Variants in WDPCP observed in about 807,000 individuals in gnomAD.
WDPCP encodes the protein WD repeat-containing and planar cell polarity effector protein fritz homolog.
In WDPCP, 71 loss-of-function variants were observed where a neutral mutation model predicts 93.1. That is an observed-to-expected ratio of 0.76 (90% CI 0.63 to 0.93). The LOEUF (loss-of-function observed/expected upper bound fraction) is 0.93, where lower values mean the gene tolerates loss of function less well. Ranked by LOEUF, WDPCP falls within the 40% of genes least tolerant of loss-of-function variation. WDPCP has a pLI of 0.00. For missense variants in WDPCP, 844 were observed against 887.4 expected, an observed-to-expected ratio of 0.95 and a Z score of 0.62; for synonymous variants, 315 against 315.0, an observed-to-expected ratio of 1.00 and a Z score of 0.00.
chr2:63,321,386 CTG>C (rs59970085), intron 12 of WDPCP, among the ~76,000 whole-genome samples: 240 of 148,576 alleles, frequency 1.6e-3, no homozygotes, highest in Non-Finnish European at 2.4e-3. Flanking sequence ...TATATACACT[CTG>C]TGTGTGTGTG....
chr2:63,588,645 C>A, upstream of WDPCP: 1 of 487,340 alleles, frequency 2.1e-6, no homozygotes, highest in Non-Finnish European at 3.8e-6. Flanking sequence ...GTGATTCTCC[C>A]CTCCCTAGAG....
intron 1 of WDPCP, among the ~76,000 whole-genome samples, chr2:63,824,538 A>C (rs1249080537): frequency 6.6e-4 from 3 of 4,548 alleles, no homozygotes; most frequent in Non-Finnish European, 5.2e-4. Context: ...ACCATGTTTC[A>C]AAAAAAAAAA....
chr2:63,304,126 C>G (rs1462872891), intron 13 of WDPCP, among the ~76,000 whole-genome samples: 1 of 152,022 alleles, frequency 6.6e-6, no homozygotes, highest in Non-Finnish European at 1.5e-5. Context: ...CCCAGCAATC[C>G]CACAACTGGG....
intron 1 of WDPCP, among the ~76,000 whole-genome samples, chr2:63,503,934 A>C (rs1274794848): frequency 6.6e-6 from 1 of 151,342 alleles, no homozygotes; most frequent in Non-Finnish European, 1.5e-5. Context: ...GAAATCCTTT[A>C]TCTACAAATA....
intron 12 of WDPCP, among the ~76,000 whole-genome samples, chr2:63,360,736 TC>T (rs1444243843): frequency 1.4e-4 from 22 of 152,230 alleles, no homozygotes; most frequent in African/African-American, 2.2e-4. Context: ...GTTTCACACT[TC>T]TTTTGCTCAA....
chr2:63,643,947 C>A, intron 3 of WDPCP: 1 of 494,200 alleles, frequency 2.0e-6, no homozygotes, highest in South Asian at 1.5e-5. Context: ...TTGTGGGAAC[C>A]AGTGGATGGA....
At chr2:63,639,749 T>G (rs1277399697) in intron 3 of WDPCP, among the ~76,000 whole-genome samples, 2 of 152,154 alleles carry the variant, frequency 1.3e-5, no homozygotes, top group East Asian at 1.9e-4. Flanking sequence ...AAAACCATGA[T>G]GAGTTATTAC....
chr2:63,284,928 C>CA, intron 13 of WDPCP, among the ~76,000 whole-genome samples: 1 of 151,442 alleles, frequency 6.6e-6, no homozygotes, highest in African/African-American at 2.4e-5. Context: ...CATAGACACA[C>CA]AAAAAAATTT....
At chr2:63,485,163 T>C (rs1700495069) in intron 4 of WDPCP, among the ~76,000 whole-genome samples, 176 bp from the exon 5 acceptor site, 1 of 151,892 alleles carries the variant, frequency 6.6e-6, no homozygotes, top group Non-Finnish European at 1.5e-5. Context: ...GAACAGGATT[T>C]TTACCACAAA....
Position 63,655,511 on chromosome 2 carries a change from A to C in WDPCP, n.309-4673T>G, listed in dbSNP as rs559425808. Among the ~76,000 whole-genome samples the C allele has an allele frequency of 5.9e-5, 9 of 152,118 alleles. No individual in the cohort carries two copies. In the East Asian group the frequency reaches 1.7e-3, roughly 29 times the overall value. On this transcript the variant is annotated intron_variant and non_coding_transcript_variant, in intron 2 of 4. Transcript: ENST00000467687. ...TATGTCTTAGAGATCTTTCCATCTC[A>C]GTACATGATAATTTTCTTATTTTTC...
At chr2:63,744,915 C>T (rs1027423379) in intron 2 of WDPCP, among the ~76,000 whole-genome samples, 5 of 152,206 alleles carry the variant, frequency 3.3e-5, no homozygotes, top group East Asian at 1.9e-4. Flanking sequence ...AATATATACC[C>T]ACTTATTTTA....
intron 2 of WDPCP, among the ~76,000 whole-genome samples, chr2:63,811,886 C>T (rs1269498892): frequency 1.3e-5 from 2 of 152,080 alleles, no homozygotes; most frequent in Non-Finnish European, 1.5e-5. Context: ...GTTTTTGAGA[C>T]AGGGTCGCAC....
At chr2:63,580,098 C>T (rs949600445) in intron 1 of WDPCP, among the ~76,000 whole-genome samples, 5 of 152,050 alleles carry the variant, frequency 3.3e-5, no homozygotes, top group African/African-American at 1.2e-4. Context: ...GGACTATGAG[C>T]CAAATAAAAT....
intron 17 of WDPCP, among the ~76,000 whole-genome samples, chr2:63,152,350 C>T (rs1299493957): frequency 1.3e-5 from 2 of 151,388 alleles, no homozygotes; most frequent in East Asian, 1.9e-4. Context: ...TCTTGGCTCA[C>T]TGCAATTTCT....
At chr2:63,182,235 A>C (rs1674300404) in intron 14 of WDPCP, among the ~76,000 whole-genome samples, 1 of 151,884 alleles carries the variant, frequency 6.6e-6, no homozygotes, top group Admixed American at 6.6e-5. Flanking sequence ...GTTCTTCGGG[A>C]GACTGCTTTC....
intron 12 of WDPCP, among the ~76,000 whole-genome samples, chr2:63,317,540 C>T (rs1394851735): frequency 6.6e-6 from 1 of 152,094 alleles, no homozygotes; most frequent in African/African-American, 2.4e-5. Context: ...AACTAAGCAG[C>T]ATGGTACTGG....
chr2:63,243,499 A>G (rs1018482480), intron 14 of WDPCP, among the ~76,000 whole-genome samples: 1 of 152,050 alleles, frequency 6.6e-6, no homozygotes, highest in Non-Finnish European at 1.5e-5. Context: ...GATAGTTTCT[A>G]TTGCTGTGCT....
chr2:63,315,660 G>A (rs1686579714), intron 12 of WDPCP, among the ~76,000 whole-genome samples: 1 of 151,922 alleles, frequency 6.6e-6, no homozygotes, highest in East Asian at 1.9e-4. Flanking sequence ...ATGAAAATAA[G>A]CATGTAATAT....
intron 12 of WDPCP, chr2:63,369,431 A>G (rs1187588310): frequency 2.2e-6 from 1 of 456,626 alleles, no homozygotes; most frequent in South Asian, 1.5e-5. Context: ...CTCTTATAAA[A>G]GTGGTCCTCT....
Sources: gnomAD v4.1 joint callset for allele counts (sites outside exome capture counted in the v4.1 genomes callset) on GRCh38, gnomAD v4.1.1 for gene constraint, MANE v1.5 for transcripts, NCBI Gene and HGNC (gene_info 2026-07-23, HGNC 2026-07-21) for gene names.